Variants in PAPPA2 observed in about 807,000 individuals in gnomAD.
The protein encoded by PAPPA2 is pappalysin-2.
In PAPPA2, 86 loss-of-function variants were observed where a neutral mutation model predicts 176.4. That is an observed-to-expected ratio of 0.49 (90% CI 0.41 to 0.58). The LOEUF (loss-of-function observed/expected upper bound fraction) is 0.58. Ranked by LOEUF, PAPPA2 falls within the 20% of genes least tolerant of loss-of-function variation. The probability of loss-of-function intolerance (pLI) is 0.00; values close to 1 mark genes in which losing one functional copy is unlikely to be tolerated. For missense variants in PAPPA2, 2,073 were observed against 2,256.9 expected, an observed-to-expected ratio of 0.92 and a Z score of 1.65; for synonymous variants, 809 against 852.2, an observed-to-expected ratio of 0.95 and a Z score of 0.88.
chr1:176,508,831 A>C (rs2102520256), intron 1 of PAPPA2, among the ~76,000 whole-genome samples: 1 of 152,144 alleles, frequency 6.6e-6, no homozygotes, highest in East Asian at 1.9e-4. Flanking sequence ...GCTGCCATGG[A>C]ATATGTGCCT....
At chr1:176,584,578 C>G (rs566572621) in intron 2 of PAPPA2, among the ~76,000 whole-genome samples, 2 of 151,800 alleles carry the variant, frequency 1.3e-5, no homozygotes, top group South Asian at 2.1e-4. Context: ...TTTAAAAATC[C>G]CTTTGGTCAA....
At chr1:176,711,217 AC>A (rs1167339070) in intron 11 of PAPPA2, among the ~76,000 whole-genome samples, 1 of 152,118 alleles carries the variant, frequency 6.6e-6, no homozygotes, top group Admixed American at 6.6e-5. Context: ...GGAAATAGAT[AC>A]CGATCGGCAA....
rs536489971 is a variant in PAPPA2 at position 176,831,559 on chromosome 1, C to T, written c.5203-8614C>T. Among the ~76,000 whole-genome samples the T allele has an allele frequency of 3.9e-5, 6 of 152,314 alleles. 1 individual carries two copies. In the South Asian group the frequency reaches 1.2e-3, roughly 32 times the overall value. On this transcript the variant is annotated intron_variant, in intron 21 of 22. Coordinates refer to ENST00000367662, the MANE Select transcript of PAPPA2 (RefSeq NM_020318.3). The stretch of plus-strand genomic sequence containing the variant: ...TCCACCAGCACTGCCCTCCTCCTGG[C>T]CTTGAGGTGGGCAAGACCACTCATA...
intron 2 of PAPPA2, among the ~76,000 whole-genome samples, chr1:176,562,090 G>C (rs753976533): frequency 6.6e-6 from 1 of 152,162 alleles, no homozygotes; most frequent in Non-Finnish European, 1.5e-5. Flanking sequence ...GCTACGACTC[G>C]AGATGAGATT....
chr1:176,692,916 T>A (rs1344756771), intron 6 of PAPPA2, among the ~76,000 whole-genome samples: 1 of 152,070 alleles, frequency 6.6e-6, no homozygotes, highest in Non-Finnish European at 1.5e-5. Context: ...GCAGGATGAT[T>A]TTTTGTCTCT....
intron 3 of PAPPA2, among the ~76,000 whole-genome samples, chr1:176,637,795 ATTTTC>A (rs1307481171): frequency 6.6e-6 from 1 of 151,782 alleles, no homozygotes; most frequent in Non-Finnish European, 1.5e-5. Context: ...GAACATGTTG[ATTTTC>A]TCTTCTCTCT....
chr1:176,723,232 A>G (rs12139526), intron 12 of PAPPA2, among the ~76,000 whole-genome samples: 12,512 of 152,266 alleles, frequency 0.082, 590 homozygotes, highest in Middle Eastern at 0.12. Context: ...TGCCTTTGAA[A>G]GGCTCTGTCT....
intron 1 of PAPPA2, among the ~76,000 whole-genome samples, chr1:176,551,821 A>C (rs12565194): frequency 2.0e-5 from 3 of 152,008 alleles, no homozygotes; most frequent in Admixed American, 2.0e-4. Flanking sequence ...GGGTTTCTTT[A>C]GGGGGGTGGG....
chr1:176,709,903 G>T (rs1661063224), intron 10 of PAPPA2, 80 bp from the exon 11 acceptor site: 2 of 1,309,994 alleles, frequency 1.5e-6, no homozygotes, highest in Admixed American at 4.0e-5. Context: ...GAGAAGAAGT[G>T]TTGTGGACAT....
At chr1:176,466,695 A>G (rs1411269923) in intron 1 of PAPPA2, among the ~76,000 whole-genome samples, 2 of 152,082 alleles carry the variant, frequency 1.3e-5, no homozygotes, top group East Asian at 3.9e-4. Flanking sequence ...AGAGAACAAC[A>G]ATGTGGTTTG....
At chr1:176,727,361 T>C (rs1427873054) in intron 12 of PAPPA2, among the ~76,000 whole-genome samples, 1 of 151,916 alleles carries the variant, frequency 6.6e-6, no homozygotes, top group Non-Finnish European at 1.5e-5. Flanking sequence ...AACAAAAGGG[T>C]GAAAAATTAT....
chr1:176,736,333 T>C lies in PAPPA2; in HGVS notation c.3799-3293T>C, dbSNP rs1271699902. On this transcript the variant is annotated intron_variant, in intron 12 of 22. Coordinates refer to ENST00000367662, the MANE Select transcript of PAPPA2 (RefSeq NM_020318.3). ...CTAATAAAGCAAAAATAGTCTGGAC[T>C]CTATATATATATAAAATGTATTTCT... Among the ~76,000 whole-genome samples, 3 of 151,712 alleles carry C rather than the reference T, an allele frequency of 2.0e-5. No homozygotes were observed. The East Asian group carries it at 5.8e-4, about 29-fold the overall frequency.
intron 7 of PAPPA2, among the ~76,000 whole-genome samples, chr1:176,697,475 C>A (rs954571549): frequency 1.3e-5 from 2 of 152,020 alleles, no homozygotes; most frequent in African/African-American, 4.8e-5. Flanking sequence ...GGTGAAGAAC[C>A]AGGTCATATT....
intron 1 of PAPPA2, among the ~76,000 whole-genome samples, chr1:176,521,412 C>T (rs1649208995): frequency 1.3e-5 from 2 of 152,132 alleles, no homozygotes; most frequent in African/African-American, 2.4e-5. Flanking sequence ...GAAACCAAGT[C>T]TCCTAGCAGC....
chr1:176,646,825 G>A (rs1306420134), intron 3 of PAPPA2, among the ~76,000 whole-genome samples: 3 of 151,434 alleles, frequency 2.0e-5, no homozygotes, highest in Non-Finnish European at 3.0e-5. Flanking sequence ...TGTACACTTA[G>A]GTTGCTTCCA....
At chr1:176,834,654 A>G (rs1278013933) in intron 21 of PAPPA2, among the ~76,000 whole-genome samples, 1 of 152,194 alleles carries the variant, frequency 6.6e-6, no homozygotes, top group African/African-American at 2.4e-5. Context: ...ATAAACCTTG[A>G]CCCACAGCTG....
At chr1:176,619,197 C>T (rs1655444538) in intron 3 of PAPPA2, among the ~76,000 whole-genome samples, 2 of 152,186 alleles carry the variant, frequency 1.3e-5, no homozygotes, top group South Asian at 4.1e-4. Context: ...TACAATATCC[C>T]ATTAGTACCA....
At chr1:176,790,102 G>A (rs1665111364) in intron 18 of PAPPA2, 125 bp downstream of exon 18, 1 of 1,110,546 alleles carries the variant, frequency 9.0e-7, no homozygotes, top group Admixed American at 2.3e-5. Context: ...ATTCTAATCG[G>A]GAGTGTTGGT....
chr1:176,641,708 A>C (rs1033223995), intron 3 of PAPPA2, among the ~76,000 whole-genome samples: 1 of 152,014 alleles, frequency 6.6e-6, no homozygotes, highest in African/African-American at 2.4e-5. Context: ...TAATAAAGAA[A>C]TGAGTACACT....
Sources: gnomAD v4.1 joint callset for allele counts (sites outside exome capture counted in the v4.1 genomes callset) on GRCh38, gnomAD v4.1.1 for gene constraint, MANE v1.5 for transcripts, NCBI Gene and HGNC (gene_info 2026-07-23, HGNC 2026-07-21) for gene names.